Variants in SINHCAF observed in about 807,000 individuals in gnomAD.
SINHCAF encodes SIN3-HDAC complex-associated factor.
A neutral mutation model predicts 25.8 loss-of-function variants in SINHCAF; 3 were observed. The ratio of observed to expected loss-of-function variants is 0.12; its 90% CI spans 0.05 to 0.30. The LOEUF is 0.30. Among genes scored for constraint, SINHCAF ranks in the 10% least tolerant of loss-of-function variants. SINHCAF has a pLI of 1.00. For missense variants in SINHCAF, 121 were observed against 262.3 expected (o/e 0.46, Z 3.72); for synonymous variants, 70 against 85.5 (o/e 0.82, Z 1.00).
rs545733287 is a variant in SINHCAF, at chr12:31,296,749, GGA to G, written c.128+1326_128+1327del. On this transcript the variant is annotated intron_variant, in intron 2 of 5. Transcript: ENST00000337682. ...ACATGCCTGTAGTCCCAGCTACTCA[GGA>G]GAGAGAGGTGGGAGGCTCACCTGAG... Among the ~76,000 whole-genome samples the G allele has an allele frequency of 1.0e-3, 155 of 152,156 alleles. 2 individuals carry two copies. Among genetic ancestry groups the G allele is most frequent in the Non-Finnish European group, 1.6e-3 (109 of 67,998 alleles).
In SINHCAF at chr12:31,326,050, A is replaced by T. The variant is rs1426177024; in HGVS notation, c.-47T>A. 1 of 152,162 alleles carries T rather than the reference A, an allele frequency of 6.6e-6. No individual in the cohort carries two copies. The highest frequency in any genetic ancestry group is 2.4e-5 in the African/African-American group (1 of 41,400). 9.4% of individuals were successfully genotyped at this position (152,162 alleles called of 1,614,324 possible). A position where few individuals can be genotyped will look rare whatever the true frequency, so the allele number is the denominator to read the frequency against. On this transcript the variant is annotated 5_prime_UTR_variant, in exon 1 of 6. Coordinates refer to ENST00000337682, the MANE Select transcript of SINHCAF (RefSeq NM_001135812.2). ...TTCCAAAAGCAGCCGTTCCACGCGCAATAATGTCCCCGAGGTGCGGAGTGC... is the reference window on the plus strand; with the variant it reads ...TTCCAAAAGCAGCCGTTCCACGCGCTATAATGTCCCCGAGGTGCGGAGTGC...
At chr12:31,283,854 T>G (rs1937916476) in intron 5 of SINHCAF, among the ~76,000 whole-genome samples, 1 of 39,140 alleles carries the variant, frequency 2.6e-5, no homozygotes, top group Non-Finnish European at 5.3e-5. Context: ...CAGTTATCCA[T>G]TACACACACA....
At chr12:31,299,769 G>A (rs1391965497) in intron 1 of SINHCAF, among the ~76,000 whole-genome samples, 3 of 152,178 alleles carry the variant, frequency 2.0e-5, no homozygotes, top group Non-Finnish European at 4.4e-5. Context: ...GACACATTCT[G>A]AGAAATGCAT....
intron 1 of SINHCAF, among the ~76,000 whole-genome samples, chr12:31,317,040 C>T (rs904230269): frequency 3.3e-5 from 5 of 152,126 alleles, no homozygotes; most frequent in African/African-American, 9.7e-5. Context: ...TAGATTCCTT[C>T]TTCTGGCTTT....
At chr12:31,284,189 C>T (rs760071983) in intron 5 of SINHCAF, among the ~76,000 whole-genome samples, 12 of 152,194 alleles carry the variant, frequency 7.9e-5, no homozygotes, top group Non-Finnish European at 1.6e-4. Context: ...TCATTCCATA[C>T]CTTCTCCCCA....
chr12:31,311,846 C>T (rs1939283893), intron 1 of SINHCAF: 2 of 477,822 alleles, frequency 4.2e-6, no homozygotes, highest in South Asian at 1.7e-5. Context: ...GTTGTCCCAG[C>T]GTTGATGATG....
At chr12:31,310,713 T>C (rs1418277790) in intron 1 of SINHCAF, among the ~76,000 whole-genome samples, 2 of 152,148 alleles carry the variant, frequency 1.3e-5, no homozygotes, top group Non-Finnish European at 2.9e-5. Context: ...CCCAAATTGT[T>C]TGGGAAATTT....
At chr12:31,316,203 A>C (rs577609670) in intron 1 of SINHCAF, among the ~76,000 whole-genome samples, 1 of 152,226 alleles carries the variant, frequency 6.6e-6, no homozygotes, top group South Asian at 2.1e-4. Flanking sequence ...ACCATGCCAT[A>C]ATTATAGCTC....
chr12:31,312,065 G>A lies in SINHCAF; in HGVS notation c.-20-13841C>T, dbSNP rs187138288. ...AGGATGGTACCAGCAGTCTACAGGTGTCATCCCAGTCACTGTTCCCTGGTC... is the reference window on the plus strand; with the variant it reads ...AGGATGGTACCAGCAGTCTACAGGTATCATCCCAGTCACTGTTCCCTGGTC... On this transcript the variant is annotated intron_variant, in intron 1 of 5. Coordinates refer to ENST00000337682, the MANE Select transcript of SINHCAF (RefSeq NM_001135812.2). 1,289 of 518,736 alleles carry A rather than the reference G, an allele frequency of 2.5e-3. 8 individuals are homozygous for A. Among genetic ancestry groups the A allele is most frequent in the Non-Finnish European group, 3.4e-3 (911 of 267,440 alleles). 32.1% of individuals were successfully genotyped at this position (518,736 alleles called of 1,614,324 possible).
At chr12:31,296,357 G>C (rs912771174) in intron 2 of SINHCAF, among the ~76,000 whole-genome samples, 1 of 151,862 alleles carries the variant, frequency 6.6e-6, no homozygotes, top group Non-Finnish European at 1.5e-5. Context: ...GTAGAGACAG[G>C]GTTTTGCCAT....
chr12:31,304,638 G>C (rs977491548), intron 1 of SINHCAF: 1 of 152,184 alleles, frequency 6.6e-6, no homozygotes, highest in South Asian at 2.1e-4. Context: ...CATTTGGAGG[G>C]AACTGATGTA....
intron 5 of SINHCAF, among the ~76,000 whole-genome samples, chr12:31,283,648 G>A (rs2137065387): frequency 6.6e-6 from 1 of 151,986 alleles, no homozygotes; most frequent in African/African-American, 2.4e-5. Flanking sequence ...CATCAAAAAT[G>A]ACAACACAAT....
At chr12:31,322,889 A>T (rs777332036) in intron 1 of SINHCAF, among the ~76,000 whole-genome samples, 1 of 152,212 alleles carries the variant, frequency 6.6e-6, no homozygotes, top group Non-Finnish European at 1.5e-5. Context: ...AGAAGCATCC[A>T]TGTGTCAAAC....
At chr12:31,313,105 A>G (rs1444180283) in intron 1 of SINHCAF, among the ~76,000 whole-genome samples, 2 of 151,644 alleles carry the variant, frequency 1.3e-5, no homozygotes, top group Non-Finnish European at 2.9e-5. Context: ...GCTCACTGCA[A>G]CCTCCACCTC....
At position 31,282,546 on chromosome 12, in the gene SINHCAF, C is replaced by T. The variant is rs1238881680; in HGVS notation, c.*166G>A. 1.2e-5 allele frequency: 6 copies of T among 508,762 alleles called. No homozygotes were observed. The highest frequency in any genetic ancestry group is 2.0e-5 in the African/African-American group (1 of 50,038). The allele number at this position is 508,762 out of a possible 1,614,324, so 31.5% of individuals were successfully genotyped here. ...CTGAGGCAGGAGAATCACTTGAACC[C>T]GGGAGACGGAAGTTGCAGTGAGCCA... On this transcript the variant is annotated 3_prime_UTR_variant, in exon 6 of 6. Coordinates refer to ENST00000337682, the MANE Select transcript of SINHCAF (RefSeq NM_001135812.2).
intron 1 of SINHCAF, among the ~76,000 whole-genome samples, chr12:31,316,027 G>A (rs757214050): frequency 2.1e-4 from 32 of 152,084 alleles, no homozygotes; most frequent in South Asian, 2.1e-4. Flanking sequence ...TTTGCCAGGC[G>A]TAGTAGTGGC....
chr12:31,325,508 C>G lies in SINHCAF; in HGVS notation c.-21+516G>C, dbSNP rs1263152583. The stretch of plus-strand genomic sequence containing the variant: ...GAGCGAATGGCGTTTATTGTCCACC[C>G]TAGTCCGAGGGCTGCAGTCAACTAA... On this transcript the variant is annotated intron_variant, in intron 1 of 5. Coordinates refer to ENST00000337682, the MANE Select transcript of SINHCAF (RefSeq NM_001135812.2). This position sits in a 1 kb window ranked among gnomAD's most constrained non-coding sequence, Gnocchi z 5.9. 3.2e-6 allele frequency: 1 copy of G among 314,348 alleles called. No homozygotes were observed. The allele number at this position is 314,348 out of a possible 1,614,324, so 19.5% of individuals were successfully genotyped here.
At chr12:31,296,829 C>CT (rs1231068954) in intron 2 of SINHCAF, 1 of 254,728 alleles carries the variant, frequency 3.9e-6, no homozygotes, top group African/African-American at 2.3e-5. Context: ...GCAGTTCTGC[C>CT]TGGGTGACAG....
chr12:31,301,934 A>G (rs1938815111), intron 1 of SINHCAF, among the ~76,000 whole-genome samples: 2 of 152,152 alleles, frequency 1.3e-5, no homozygotes, highest in Non-Finnish European at 2.9e-5. Flanking sequence ...CTTTCCTAGT[A>G]CCAAATTTGT....
Sources: gnomAD v4.1 joint callset for allele counts (sites outside exome capture counted in the v4.1 genomes callset) on GRCh38, gnomAD v4.1.1 for gene constraint, Gnocchi (gnomAD v3.1) non-coding constraint, MANE v1.5 for transcripts, NCBI Gene and HGNC (gene_info 2026-07-23, HGNC 2026-07-21) for gene names.